The following RANBP17 variants were observed in gnomAD, a reference collection of about 807,000 sequenced individuals.
RANBP17 encodes ran-binding protein 17.
In RANBP17, 158 loss-of-function variants were observed where a neutral mutation model predicts 141.2. That is an observed-to-expected ratio of 1.12 (90% confidence interval 0.98 to 1.28). RANBP17 has a LOEUF of 1.28. Ranked by LOEUF, RANBP17 falls within the 50% of genes most tolerant of loss-of-function variation. The pLI is 0.00. For missense variants in RANBP17, 1,438 were observed against 1,290.7 expected (o/e 1.11, Z -1.75); for synonymous variants, 430 against 450.0 (o/e 0.96, Z 0.56).
At chr5:171,138,772 A>G (rs995102279) in intron 14 of RANBP17, among the ~76,000 whole-genome samples, 1 of 152,186 alleles carries the variant, frequency 6.6e-6, no homozygotes, top group Non-Finnish European at 1.5e-5. Flanking sequence ...ACTTTTCTGT[A>G]TATCTAAAAT....
intron 14 of RANBP17, among the ~76,000 whole-genome samples, chr5:171,131,041 G>A (rs1756880256): frequency 6.6e-6 from 1 of 152,138 alleles, no homozygotes; most frequent in Non-Finnish European, 1.5e-5. Flanking sequence ...GAACTTTTCA[G>A]TTACACAGAA....
At chr5:171,218,179 T>C (rs1409828924) in intron 21 of RANBP17, among the ~76,000 whole-genome samples, 3 of 152,204 alleles carry the variant, frequency 2.0e-5, no homozygotes, top group Admixed American at 6.5e-5. Flanking sequence ...GGTTGTTCAG[T>C]TTCCATGTAG....
At chr5:171,147,778 CCCCCGCCCGGCCAGCCG>C (rs1561703184) in intron 14 of RANBP17, among the ~76,000 whole-genome samples, 1 of 152,110 alleles carries the variant, frequency 6.6e-6, no homozygotes, top group African/African-American at 2.4e-5. Context: ...GGGGGTCAGC[CCCCCGCCCGGCCAGCCG>C]CCCCGTCCGG....
At chr5:171,249,716 C>CA (rs767521992) in intron 24 of RANBP17, among the ~76,000 whole-genome samples, 44 of 151,566 alleles carry the variant, frequency 2.9e-4, no homozygotes, top group Non-Finnish European at 4.0e-4. Flanking sequence ...TCCAGTCAGA[C>CA]AAAAAAAATT....
chr5:170,986,577 C>T (rs1433846350), intron 14 of RANBP17, among the ~76,000 whole-genome samples: 1 of 151,156 alleles, frequency 6.6e-6, no homozygotes, highest in Non-Finnish European at 1.5e-5. Context: ...TATATATATA[C>T]CTGTGATGTA....
chr5:171,031,617 T>C (rs1217657986), intron 14 of RANBP17, among the ~76,000 whole-genome samples: 2 of 152,058 alleles, frequency 1.3e-5, no homozygotes, highest in Non-Finnish European at 2.9e-5. Context: ...AATTTCTTCA[T>C]GTTCATTTTC....
At chr5:170,907,542 A>G (rs1771162341) in intron 5 of RANBP17, among the ~76,000 whole-genome samples, 2 of 151,996 alleles carry the variant, frequency 1.3e-5, no homozygotes, top group Non-Finnish European at 1.5e-5. Context: ...GTGTGTAGAA[A>G]GTGCTCAGTA....
chr5:171,031,749 A>G (rs1331176425), intron 14 of RANBP17, among the ~76,000 whole-genome samples: 3 of 152,002 alleles, frequency 2.0e-5, no homozygotes, highest in Admixed American at 2.0e-4. Flanking sequence ...AGCAACATGT[A>G]ATGGTATAGG....
At position 170,930,166 on chromosome 5, in the gene RANBP17, G is replaced by A. The variant is rs575531527; in HGVS notation, c.1468+5616G>A. 2.9e-4 allele frequency among the ~76,000 whole-genome samples: 43 copies of A among 147,158 alleles called. No homozygotes were observed. The South Asian group carries it at 8.0e-3, about 27-fold the overall frequency. On this transcript the variant is annotated intron_variant, in intron 12 of 27. Transcript: ENST00000523189. Reference sequence around the variant, plus strand: ...TTTTCTATTTCACTGATTTTTTTTCGCCTTTATTATTTTCTGCCTTATACT... The same window carrying A: ...TTTTCTATTTCACTGATTTTTTTTCACCTTTATTATTTTCTGCCTTATACT...
At chr5:171,000,073 AT>A (rs1386293993) in intron 14 of RANBP17, among the ~76,000 whole-genome samples, 6 of 152,058 alleles carry the variant, frequency 3.9e-5, no homozygotes, top group Non-Finnish European at 8.8e-5. Flanking sequence ...AGACATCAGA[AT>A]TTTTTTCTAT....
chr5:171,098,786 C>T (rs1786900742), intron 14 of RANBP17, among the ~76,000 whole-genome samples: 1 of 152,128 alleles, frequency 6.6e-6, no homozygotes, highest in Admixed American at 6.5e-5. Context: ...ATGTTTAAAT[C>T]TTTAATCCAT....
At chr5:171,096,225 A>C (rs1786680915) in intron 14 of RANBP17, among the ~76,000 whole-genome samples, 1 of 152,208 alleles carries the variant, frequency 6.6e-6, no homozygotes, top group South Asian at 2.1e-4. Flanking sequence ...TGAAACACAT[A>C]TAAAAATAAT....
Position 171,137,950 on chromosome 5 carries a change from G to GATATATATAT in RANBP17, c.1711-32168_1711-32159dup, listed in dbSNP as rs67832819. Among the ~76,000 whole-genome samples the GATATATATAT allele has an allele frequency of 1.5e-4, 22 of 144,824 alleles. No homozygotes were observed. In the East Asian group the frequency reaches 2.0e-3, roughly 13 times the overall value. On this transcript the variant is annotated intron_variant, in intron 14 of 27. Transcript: ENST00000523189. ...TATCTATAAGTAGTGTGATATATGA[G>GATATATATAT]ATATATATATATATATATATACACA...
chr5:170,878,666 A>G (rs571065217), intron 2 of RANBP17, among the ~76,000 whole-genome samples: 7 of 152,298 alleles, frequency 4.6e-5, no homozygotes, highest in South Asian at 2.1e-4. Context: ...CATAGTCTAG[A>G]CATTCATATT....
chr5:171,214,767 A>G (rs1763112221), intron 21 of RANBP17, among the ~76,000 whole-genome samples: 1 of 152,052 alleles, frequency 6.6e-6, no homozygotes, highest in Non-Finnish European at 1.5e-5. Context: ...TTTTAATTAT[A>G]TTTCCATTTT....
chr5:171,116,573 T>G (rs1160952567), intron 14 of RANBP17, among the ~76,000 whole-genome samples: 2 of 152,214 alleles, frequency 1.3e-5, no homozygotes, highest in Admixed American at 1.3e-4. Context: ...TTGTGCATAT[T>G]TATGGGGCAC....
intron 14 of RANBP17, among the ~76,000 whole-genome samples, chr5:171,066,584 G>A (rs1037244434): frequency 1.3e-5 from 2 of 152,066 alleles, no homozygotes; most frequent in African/African-American, 4.8e-5. Flanking sequence ...TGGACACTTA[G>A]GTTGATTCCA....
intron 14 of RANBP17, among the ~76,000 whole-genome samples, chr5:171,018,679 A>G (rs1163496852): frequency 6.6e-6 from 1 of 152,148 alleles, no homozygotes; most frequent in Non-Finnish European, 1.5e-5. Flanking sequence ...GGTTTTCTAA[A>G]TATAAAATCA....
chr5:171,008,574 G>T (rs1183678754), intron 14 of RANBP17, among the ~76,000 whole-genome samples: 1 of 152,240 alleles, frequency 6.6e-6, no homozygotes, highest in Admixed American at 6.5e-5. Flanking sequence ...AGGCAGTGGA[G>T]TTAGGAGCAA....
Sources: gnomAD v4.1 joint callset for allele counts (sites outside exome capture counted in the v4.1 genomes callset) on GRCh38, gnomAD v4.1.1 for gene constraint, MANE v1.5 for transcripts, NCBI Gene and HGNC (gene_info 2026-07-23, HGNC 2026-07-21) for gene names.